HTRA3: variants seen among roughly 807,000 people sequenced by gnomAD.
HTRA3 encodes HtrA serine peptidase 3.
A neutral mutation model predicts 43.2 loss-of-function variants in HTRA3; 41 were observed. That is an observed-to-expected ratio of 0.95 (90% CI 0.74 to 1.23). HTRA3 has a LOEUF of 1.23. HTRA3 is among the 50% of genes most tolerant of loss of function. The pLI is 0.00. For synonymous variants in HTRA3, 295 were observed against 287.9 expected (o/e 1.02, Z -0.25); for missense variants, 628 against 647.1 (o/e 0.97, Z 0.32).
At chr4:8,292,239 G>A (rs2153006107) in intron 4 of HTRA3, 82 bp from the exon 5 acceptor site, 1 of 1,242,196 alleles carries the variant, frequency 8.1e-7, no homozygotes, top group Middle Eastern at 2.3e-4. Flanking sequence ...CTCTGCACTG[G>A]TTAGAGGCAG....
At chr4:8,275,148 G>A (rs1053219648) in intron 1 of HTRA3, among the ~76,000 whole-genome samples, 1 of 152,244 alleles carries the variant, frequency 6.6e-6, no homozygotes, top group Non-Finnish European at 1.5e-5. Flanking sequence ...GCTGCCAGGA[G>A]CCAGGAGTCC....
rs573138535 is a variant in HTRA3 at position 8,279,287 on chromosome 4, C to T, written c.386-3150C>T. Among the ~76,000 whole-genome samples, 1 of 152,226 alleles carries T rather than the reference C, an allele frequency of 6.6e-6. No homozygotes were observed. Among genetic ancestry groups the T allele is most frequent in the African/African-American group, 2.4e-5 (1 of 41,454 alleles). ...GTAACTTTACCCCAACCACAAATAA[C>T]CACCATGTAGTAGAATTTTGATGTT... On this transcript the variant is annotated intron_variant, in intron 1 of 8. Coordinates refer to ENST00000307358, the MANE Select transcript of HTRA3 (RefSeq NM_053044.5). The surrounding 1 kb of genome is among the most constrained non-coding windows in gnomAD (Gnocchi z 7.4).
At position 8,292,339 on chromosome 4, in the gene HTRA3, C is replaced by A; in HGVS notation, c.922C>A (p.Pro308Thr). The A allele has an allele frequency of 1.2e-6, 2 of 1,613,108 alleles. No homozygotes were observed. The highest frequency in any genetic ancestry group is 2.2e-5 in the South Asian group (2 of 90,908). The change falls in exon 5 of 9, where the codon CCA (proline) becomes ACA (threonine). Residue 308 changes from proline to threonine, a missense_variant. Pro to Thr is a conservative substitution (Grantham distance 38). Coordinates refer to ENST00000307358, the MANE Select transcript of HTRA3 (RefSeq NM_053044.5). ...CTTGCAGTACGGGAACTCCGGGGGA[C>A]CACTGGTGAACCTGGTAAGTGTCCC... is the stretch of plus-strand genomic sequence containing the variant. ...AIINYGNSGG[P>T]LVNLDGEVIG... is the part of the protein sequence containing the mutation.
At chr4:8,276,190 G>C (rs1314682511) in intron 1 of HTRA3, among the ~76,000 whole-genome samples, 1 of 152,230 alleles carries the variant, frequency 6.6e-6, no homozygotes, top group East Asian at 1.9e-4. Context: ...ACCCAGTTCT[G>C]TCCCTCATGT....
intron 3 of HTRA3, among the ~76,000 whole-genome samples, chr4:8,287,820 G>T (rs374561741): frequency 6.6e-6 from 1 of 152,188 alleles, no homozygotes; most frequent in Non-Finnish European, 1.5e-5. Flanking sequence ...AGATCACAGC[G>T]CACTGGAGCA....
intron 1 of HTRA3, among the ~76,000 whole-genome samples, chr4:8,278,817 C>T (rs564143866): frequency 1.3e-5 from 2 of 152,380 alleles, no homozygotes; most frequent in South Asian, 4.1e-4. Flanking sequence ...TCTCCTGGGC[C>T]ATAAAATGGG....
intron 6 of HTRA3, among the ~76,000 whole-genome samples, chr4:8,301,278 T>C (rs1315670537): frequency 6.7e-6 from 1 of 149,022 alleles, no homozygotes; most frequent in Non-Finnish European, 1.5e-5. Context: ...CTCATCTTTA[T>C]TATTGAGTCA....
intron 1 of HTRA3, among the ~76,000 whole-genome samples, chr4:8,282,233 G>A (rs1409282461): frequency 6.6e-6 from 1 of 152,188 alleles, no homozygotes; most frequent in African/African-American, 2.4e-5. Flanking sequence ...CTCGGGGTGA[G>A]CGAGCCCCTT....
chr4:8,304,302 G>A (rs1713759399), intron 8 of HTRA3, 23 bp downstream of exon 8: 3 of 1,596,476 alleles, frequency 1.9e-6, no homozygotes, highest in East Asian at 2.2e-5. Context: ...AGAGGAGATC[G>A]CTCGAGGCAT....
rs1713487907 is a variant in HTRA3 at position 8,297,266 on chromosome 4, T to G, written c.1051+3065T>G. ...TGTGTGTTCTGCTCACCTCTCAAGT[T>G]CAAGGAGAAGAGGCTTCAGAGTCCC... On this transcript the variant is annotated intron_variant, in intron 6 of 8. Coordinates refer to ENST00000307358, the MANE Select transcript of HTRA3 (RefSeq NM_053044.5). This position sits in a 1 kb window ranked among gnomAD's most constrained non-coding sequence, Gnocchi z 5.8. Among the ~76,000 whole-genome samples the G allele has an allele frequency of 6.6e-6, 1 of 151,688 alleles. No homozygotes were observed. Among genetic ancestry groups the G allele is most frequent in the South Asian group, 2.1e-4 (1 of 4,800 alleles).
Position 8,296,049 on chromosome 4 carries a change from G to A in HTRA3, c.1051+1848G>A, listed in dbSNP as rs1713442400. The A allele has an allele frequency of 6.3e-6, 7 of 1,108,974 alleles. No homozygotes were observed. Among genetic ancestry groups the A allele is most frequent in the East Asian group, 5.1e-5 (1 of 19,642 alleles). 68.7% of individuals were successfully genotyped at this position (1,108,974 alleles called of 1,614,324 possible). On this transcript the variant is annotated intron_variant, in intron 6 of 8. Transcript: ENST00000307358. This position sits in a 1 kb window ranked among gnomAD's most constrained non-coding sequence, Gnocchi z 5.3. ...TAGCATGCTCCTTTCCCTAATGACC[G>A]AGTCTTTCCTGTTGAATTATCCCAT...
At chr4:8,289,735 C>A (rs753794213) in intron 3 of HTRA3, among the ~76,000 whole-genome samples, 5 of 151,806 alleles carry the variant, frequency 3.3e-5, no homozygotes, top group African/African-American at 4.8e-5. Context: ...TCACCTGTGC[C>A]CCCTCCTTGG....
chr4:8,296,977 T>C lies in HTRA3; in HGVS notation c.1051+2776T>C, dbSNP rs78371012. Among the ~76,000 whole-genome samples, 454 of 152,122 alleles carry C rather than the reference T, an allele frequency of 3.0e-3. No homozygotes were observed. Among genetic ancestry groups the C allele is most frequent in the African/African-American group, 0.01 (419 of 41,478 alleles). Reference sequence around the variant, plus strand: ...CTTAGTCTCAGAAGTCACAGGGTCCTGTGGTCTCAAAAACCGTAAGTTTCC... The same window carrying C: ...CTTAGTCTCAGAAGTCACAGGGTCCCGTGGTCTCAAAAACCGTAAGTTTCC... On this transcript the variant is annotated intron_variant, in intron 6 of 8. Coordinates refer to ENST00000307358, the MANE Select transcript of HTRA3 (RefSeq NM_053044.5). The surrounding 1 kb of genome is among the most constrained non-coding windows in gnomAD (Gnocchi z 5.3).
chr4:8,269,912 T>G lies in HTRA3; in HGVS notation c.-57T>G, dbSNP rs903991185. 8.0e-5 allele frequency: 70 copies of G among 878,706 alleles called. No homozygotes were observed. In the African/African-American group the frequency reaches 1.2e-3, roughly 15 times the overall value. 54.4% of individuals were successfully genotyped at this position (878,706 alleles called of 1,614,324 possible). A position where few individuals can be genotyped will look rare whatever the true frequency, so the allele number is the denominator to read the frequency against. ...GCCCGGCCCCGCAGCGGCCTCGTTG[T>G]CCCCGCCGGCCCCCGCCCGGTCTCC... On this transcript the variant is annotated 5_prime_UTR_variant, in exon 1 of 9. Transcript: ENST00000307358.
At chr4:8,274,987 G>C (rs1292756189) in intron 1 of HTRA3, among the ~76,000 whole-genome samples, 1 of 152,182 alleles carries the variant, frequency 6.6e-6, no homozygotes, top group East Asian at 1.9e-4. Context: ...ATGCCTTGGA[G>C]TTCAGCATCT....
intron 2 of HTRA3, among the ~76,000 whole-genome samples, chr4:8,284,587 C>G (rs1282673864): frequency 6.6e-6 from 1 of 152,250 alleles, no homozygotes; most frequent in Non-Finnish European, 1.5e-5. Context: ...CCGCAGGTGC[C>G]TGGCCCTGTG....
Position 8,306,181 on chromosome 4 carries a change from G to C in HTRA3, c.*45G>C. ...CCAAGCGTCAGAGCCTGCAGACAACGGAGGGCAGCGCCCCCCCGAGATCAG... is the reference window on the plus strand; with the variant it reads ...CCAAGCGTCAGAGCCTGCAGACAACCGAGGGCAGCGCCCCCCCGAGATCAG... On this transcript the variant is annotated 3_prime_UTR_variant, in exon 9 of 9. Coordinates refer to ENST00000307358, the MANE Select transcript of HTRA3 (RefSeq NM_053044.5). This position sits in a 1 kb window ranked among gnomAD's most constrained non-coding sequence, Gnocchi z 8.9. 1 of 1,519,698 alleles carries C rather than the reference G, an allele frequency of 6.6e-7. No homozygotes were observed. Among genetic ancestry groups the C allele is most frequent in the Non-Finnish European group, 8.9e-7 (1 of 1,129,128 alleles). 94.1% of individuals were successfully genotyped at this position (1,519,698 alleles called of 1,614,324 possible).
At chr4:8,276,432 G>A (rs932284234) in intron 1 of HTRA3, among the ~76,000 whole-genome samples, 2 of 152,264 alleles carry the variant, frequency 1.3e-5, no homozygotes. Context: ...GAGAGTGAGG[G>A]AGAGGGGTCG....
At position 8,280,416 on chromosome 4, in the gene HTRA3, C is replaced by A. The variant is rs191593056; in HGVS notation, c.386-2021C>A. On this transcript the variant is annotated intron_variant, in intron 1 of 8. Coordinates refer to ENST00000307358, the MANE Select transcript of HTRA3 (RefSeq NM_053044.5). Reference sequence around the variant, plus strand: ...GCTCTGAACCAGCTCCAAACCTCACCAGGGAAGCAGGCTTTGTGGCTGGTG... The same window carrying A: ...GCTCTGAACCAGCTCCAAACCTCACAAGGGAAGCAGGCTTTGTGGCTGGTG... 2.0e-5 allele frequency among the ~76,000 whole-genome samples: 3 copies of A among 152,296 alleles called. No individual in the cohort carries two copies. In the East Asian group the frequency reaches 5.8e-4, roughly 29 times the overall value.
Sources: allele counts gnomAD v4.1 joint callset (sites outside exome capture counted in the v4.1 genomes callset), GRCh38; gene constraint gnomAD v4.1.1; non-coding constraint Gnocchi (gnomAD v3.1); transcripts MANE v1.5; gene names NCBI Gene and HGNC (gene_info 2026-07-23, HGNC 2026-07-21).